The following VMP1 variants were observed in gnomAD, a reference collection of about 807,000 sequenced individuals.
VMP1 encodes the protein ectopic P-granules autophagy protein 3 homolog.
A neutral mutation model predicts 56.0 loss-of-function variants in VMP1; 11 were observed. The observed-to-expected ratio is 0.20, with a 90% confidence interval of 0.12 to 0.32. The LOEUF is 0.32. Among genes scored for constraint, VMP1 ranks in the 10% least tolerant of loss-of-function variants. The pLI is 1.00. For synonymous variants in VMP1, 149 were observed against 165.0 expected, an observed-to-expected ratio of 0.90 and a Z score of 0.74; for missense variants, 296 against 490.3, an observed-to-expected ratio of 0.60 and a Z score of 3.74.
intron 5 of VMP1, among the ~76,000 whole-genome samples, chr17:59,739,899 C>T (rs2143842335): frequency 6.6e-6 from 1 of 151,364 alleles, no homozygotes; most frequent in African/African-American, 2.4e-5. Context: ...CATGGTGAAA[C>T]CCCGTCTCTA....
chr17:59,708,839 A>G (rs2033792831), intron 1 of VMP1, among the ~76,000 whole-genome samples: 1 of 152,214 alleles, frequency 6.6e-6, no homozygotes, highest in Non-Finnish European at 1.5e-5. Context: ...TTACTGTGGA[A>G]GAGGGATGGT....
At chr17:59,834,797 G>C (rs566879351) in intron 10 of VMP1, among the ~76,000 whole-genome samples, 1 of 152,174 alleles carries the variant, frequency 6.6e-6, no homozygotes, top group South Asian at 2.1e-4. Context: ...GCTAATTTTT[G>C]TATTTTAGTA....
chr17:59,837,808 G>A (rs965854976), intron 10 of VMP1: 1 of 152,316 alleles, frequency 6.6e-6, no homozygotes, highest in African/African-American at 2.4e-5. Flanking sequence ...GTCAGAGAGA[G>A]GGCGGGCAGT....
intron 2 of VMP1, among the ~76,000 whole-genome samples, chr17:59,734,424 G>T (rs1245110608): frequency 6.6e-6 from 1 of 152,102 alleles, no homozygotes; most frequent in Non-Finnish European, 1.5e-5. Flanking sequence ...ATACTACTCA[G>T]AACAGCATAC....
chr17:59,813,610 T>G (rs900794916), intron 9 of VMP1, among the ~76,000 whole-genome samples: 2 of 152,160 alleles, frequency 1.3e-5, no homozygotes, highest in Non-Finnish European at 2.9e-5. Flanking sequence ...ACAGGATTTT[T>G]TCAAATAATA....
intron 7 of VMP1, among the ~76,000 whole-genome samples, chr17:59,790,298 A>T (rs891981495): frequency 3.3e-5 from 5 of 152,326 alleles, no homozygotes; most frequent in South Asian, 4.1e-4. Context: ...GGGCATGATA[A>T]TTCATTCAGT....
At chr17:59,732,349 A>G (rs1378983345) in intron 2 of VMP1, among the ~76,000 whole-genome samples, 2 of 152,102 alleles carry the variant, frequency 1.3e-5, no homozygotes, top group African/African-American at 4.8e-5. Flanking sequence ...AGGTTCAAGC[A>G]ATTCTGCCTC....
chr17:59,737,402 A>G (rs898803383), intron 3 of VMP1, 51 bp from the exon 4 acceptor site: 1 of 1,550,092 alleles, frequency 6.5e-7, no homozygotes, highest in African/African-American at 1.4e-5. Context: ...GAGAATGATG[A>G]ATGCTGAAAG....
At chr17:59,772,658 A>G (rs1015178950) in intron 6 of VMP1, among the ~76,000 whole-genome samples, 2 of 151,218 alleles carry the variant, frequency 1.3e-5, no homozygotes, top group African/African-American at 4.8e-5. Flanking sequence ...AGTCCCAGCT[A>G]GTAGGGAGGC....
intron 7 of VMP1, among the ~76,000 whole-genome samples, chr17:59,802,198 TCAAAATAAAATAAATAAAA>T (rs1344207429): frequency 2.0e-5 from 3 of 152,008 alleles, no homozygotes; most frequent in African/African-American, 7.2e-5. Flanking sequence ...AGACCCTGTC[TCAAAATAAAATAAATAAAA>T]CAAAATAAAA....
chr17:59,710,188 C>T (rs1426290091), intron 1 of VMP1, among the ~76,000 whole-genome samples: 1 of 151,852 alleles, frequency 6.6e-6, no homozygotes, highest in African/African-American at 2.4e-5. Flanking sequence ...CAGAGCCAGA[C>T]TCCGTCTCAA....
chr17:59,787,283 T>A (rs2037038433), intron 7 of VMP1, among the ~76,000 whole-genome samples: 1 of 152,202 alleles, frequency 6.6e-6, no homozygotes, highest in African/African-American at 2.4e-5. Context: ...AAGCATTTAC[T>A]TTATTTTGAA....
chr17:59,758,925 C>T (rs946260293), intron 5 of VMP1, among the ~76,000 whole-genome samples: 3 of 150,934 alleles, frequency 2.0e-5, no homozygotes, highest in African/African-American at 7.3e-5. Flanking sequence ...AAAACCCCAC[C>T]TCTACAAAAA....
At chr17:59,748,002 C>A (rs969572051) in intron 5 of VMP1, among the ~76,000 whole-genome samples, 8 of 152,008 alleles carry the variant, frequency 5.3e-5, no homozygotes, top group African/African-American at 1.9e-4. Flanking sequence ...CGAGACCATC[C>A]TGGCTAACAC....
At chr17:59,836,984 G>A (rs1279916439) in intron 10 of VMP1, among the ~76,000 whole-genome samples, 5 of 151,832 alleles carry the variant, frequency 3.3e-5, no homozygotes, top group South Asian at 2.1e-4. Context: ...GGGGGATCAC[G>A]AGGTCAGGAG....
At chr17:59,725,635 A>G (rs551430986) in intron 1 of VMP1, among the ~76,000 whole-genome samples, 43 of 151,470 alleles carry the variant, frequency 2.8e-4, no homozygotes, top group African/African-American at 1.0e-3. Flanking sequence ...GCCTTATGCT[A>G]TATTTCCTTC....
chr17:59,747,339 C>G (rs912769495), intron 5 of VMP1, among the ~76,000 whole-genome samples: 1 of 152,062 alleles, frequency 6.6e-6, no homozygotes, highest in Non-Finnish European at 1.5e-5. Flanking sequence ...AGGGGGATCA[C>G]TTGAGGCCAG....
intron 7 of VMP1, among the ~76,000 whole-genome samples, chr17:59,787,906 A>G (rs543768644): frequency 1.3e-5 from 2 of 152,332 alleles, no homozygotes; most frequent in East Asian, 3.9e-4. Context: ...TTCGGCTTAC[A>G]CTTTTGTAAC....
In VMP1 at chr17:59,841,239, C is replaced by T. The variant is rs1003528503; in HGVS notation, c.*1328C>T. ...ACTGTCTGCTTGTTTTGCCTACCAT[C>T]GTGACATCTCCATGGCTGTACCACC... is the stretch of plus-strand genomic sequence containing the variant. On this transcript the variant is annotated 3_prime_UTR_variant, in exon 12 of 12. Transcript: ENST00000262291. 8 of 478,894 alleles carry T rather than the reference C, an allele frequency of 1.7e-5. No individual in the cohort carries two copies. Among genetic ancestry groups the T allele is most frequent in the Admixed American group, 6.0e-5 (3 of 50,112 alleles). 29.7% of individuals were successfully genotyped at this position (478,894 alleles called of 1,614,324 possible). A position where few individuals can be genotyped will look rare whatever the true frequency, so the allele number is the denominator to read the frequency against.
Sources: gnomAD v4.1 joint callset for allele counts (sites outside exome capture counted in the v4.1 genomes callset) on GRCh38, gnomAD v4.1.1 for gene constraint, MANE v1.5 for transcripts, NCBI Gene and HGNC (gene_info 2026-07-23, HGNC 2026-07-21) for gene names.